The following ATRNL1 variants were observed in gnomAD, a reference collection of about 807,000 sequenced individuals.
ATRNL1 encodes attractin-like protein 1.
A neutral mutation model predicts 182.7 loss-of-function variants in ATRNL1; 95 were observed. The ratio of observed to expected loss-of-function variants is 0.52; its 90% CI spans 0.44 to 0.62. The LOEUF (loss-of-function observed/expected upper bound fraction) is 0.62. ATRNL1 is among the 20% of genes least tolerant of loss of function. The pLI is 0.00. For synonymous variants in ATRNL1, 576 were observed against 568.3 expected, an observed-to-expected ratio of 1.01 and a Z score of -0.19; for missense variants, 1,471 against 1,679.5, an observed-to-expected ratio of 0.88 and a Z score of 2.17.
chr10:115,340,972 A>G (rs1424989757), intron 19 of ATRNL1, among the ~76,000 whole-genome samples: 2 of 151,804 alleles, frequency 1.3e-5, no homozygotes, highest in Admixed American at 1.3e-4. Flanking sequence ...CCTTTCAAAA[A>G]TCAACCTTTT....
intron 24 of ATRNL1, among the ~76,000 whole-genome samples, chr10:115,475,748 CT>C (rs1231156063): frequency 2.0e-5 from 3 of 151,248 alleles, no homozygotes; most frequent in Non-Finnish European, 3.0e-5. Context: ...TCATCATTTT[CT>C]TTTTCTTCAT....
At position 115,641,400 on chromosome 10, in the gene ATRNL1, G is replaced by A. The variant is rs1859237556; in HGVS notation, c.3796-85848G>A. Among the ~76,000 whole-genome samples the A allele has an allele frequency of 2.6e-5, 4 of 152,140 alleles. 1 individual carries two copies. The South Asian group carries it at 8.3e-4, about 31-fold the overall frequency. On this transcript the variant is annotated intron_variant, in intron 26 of 28. Coordinates refer to ENST00000355044, the MANE Select transcript of ATRNL1 (RefSeq NM_207303.4). ...ACCTCTGTCATGCTTTCACAGAAGA[G>A]GCTTTTACTATAAAGAAGTCACACA... is the stretch of plus-strand genomic sequence containing the variant.
intron 24 of ATRNL1, among the ~76,000 whole-genome samples, chr10:115,505,280 A>AT (rs374735882): frequency 0.7 from 106,564 of 151,982 alleles, 38,493 homozygotes; most frequent in African/African-American, 0.79. Flanking sequence ...ATCTTAGACT[A>AT]GCATGGCATC....
intron 10 of ATRNL1, among the ~76,000 whole-genome samples, chr10:115,248,966 A>G (rs1850758571): frequency 6.6e-6 from 1 of 152,112 alleles, no homozygotes; most frequent in African/African-American, 2.4e-5. Flanking sequence ...ATTTGCATTT[A>G]AGACTAACTT....
intron 27 of ATRNL1, among the ~76,000 whole-genome samples, chr10:115,802,051 A>ACACACACACACACAAC (rs1412039169): frequency 1.1e-3 from 12 of 11,216 alleles, no homozygotes; most frequent in South Asian, 6.0e-3. Context: ...CACACAAAAC[A>ACACACACACACACAAC]AAAAAAAACA....
chr10:115,745,749 G>A (rs1472292936), intron 27 of ATRNL1, among the ~76,000 whole-genome samples: 1 of 152,082 alleles, frequency 6.6e-6, no homozygotes, highest in Non-Finnish European at 1.5e-5. Flanking sequence ...CCAAAATTTG[G>A]TTTTGAAGAG....
intron 13 of ATRNL1, among the ~76,000 whole-genome samples, chr10:115,280,195 A>T (rs1473795486): frequency 1.3e-5 from 2 of 152,184 alleles, no homozygotes; most frequent in African/African-American, 2.4e-5. Context: ...TAAAAGCCTA[A>T]CCCTGTACAA....
intron 9 of ATRNL1, among the ~76,000 whole-genome samples, chr10:115,225,350 C>CT (rs1351341700): frequency 4.0e-5 from 6 of 151,486 alleles, no homozygotes; most frequent in African/African-American, 1.5e-4. Context: ...GAAAACTTTA[C>CT]TGCAAGCATT....
rs372522057 is a variant in ATRNL1, at chr10:115,294,807, C to T, written c.2416-5227C>T. ...CTAGGTAGATGAAGTAGTGTAGTCT[C>T]CATGTAGTTTCTTCAGCTATAATCC... On this transcript the variant is annotated intron_variant, in intron 15 of 28. Transcript: ENST00000355044. Among the ~76,000 whole-genome samples the T allele has an allele frequency of 6.9e-4, 105 of 151,970 alleles. 2 individuals are homozygous for T. In the South Asian group the frequency reaches 0.021, roughly 31 times the overall value.
At chr10:115,564,158 T>C (rs1302865796) in intron 26 of ATRNL1, among the ~76,000 whole-genome samples, 2 of 152,096 alleles carry the variant, frequency 1.3e-5, no homozygotes, top group Admixed American at 1.3e-4. Context: ...ATGATTCATG[T>C]ACTTTAATTG....
chr10:115,579,675 A>T (rs1384033939), intron 26 of ATRNL1, among the ~76,000 whole-genome samples: 1 of 152,066 alleles, frequency 6.6e-6, no homozygotes, highest in Middle Eastern at 3.4e-3. Context: ...AAATTCATTT[A>T]GCCAGCCTAT....
At chr10:115,223,929 A>ATATATTTTTTTTTTTTT (rs1420143943) in intron 9 of ATRNL1, among the ~76,000 whole-genome samples, 9 of 44,732 alleles carry the variant, frequency 2.0e-4, no homozygotes, top group African/African-American at 5.5e-4. Context: ...ATATATATAT[A>ATATATTTTTTTTTTTTT]TTTTTTTTTT....
intron 16 of ATRNL1, 120 bp from the exon 17 acceptor site, chr10:115,301,735 T>C: frequency 1.3e-6 from 1 of 757,364 alleles, no homozygotes; most frequent in Non-Finnish European, 1.9e-6. Context: ...CCTCATCATA[T>C]TATAATGCCA....
chr10:115,125,816 G>A (rs113736973), intron 3 of ATRNL1, among the ~76,000 whole-genome samples: 24 of 152,148 alleles, frequency 1.6e-4, no homozygotes, highest in South Asian at 6.2e-4. Flanking sequence ...AATTACCACC[G>A]AGTTTTTTTT....
chr10:115,792,508 C>T (rs1949552673), intron 27 of ATRNL1, among the ~76,000 whole-genome samples: 1 of 152,020 alleles, frequency 6.6e-6, no homozygotes, highest in African/African-American at 2.4e-5. Flanking sequence ...TTATCTAAAA[C>T]AGTATGCAGT....
At chr10:115,909,610 T>G (rs1484941284) in intron 28 of ATRNL1, 1 of 115,016 alleles carries the variant, frequency 8.7e-6, no homozygotes, top group East Asian at 2.7e-4. Flanking sequence ...TTTTTTCCAC[T>G]TTGATAATGT....
At chr10:115,409,672 A>G (rs1213809935) in intron 20 of ATRNL1, among the ~76,000 whole-genome samples, 2 of 152,198 alleles carry the variant, frequency 1.3e-5, no homozygotes. Flanking sequence ...CAAACAAACA[A>G]AAAAACAAAA....
intron 19 of ATRNL1, among the ~76,000 whole-genome samples, chr10:115,340,962 C>T (rs1434107582): frequency 6.6e-6 from 1 of 151,182 alleles, no homozygotes; most frequent in African/African-American, 2.4e-5. Flanking sequence ...TTTTGTTTAA[C>T]CTTTCAAAAA....
intron 28 of ATRNL1, among the ~76,000 whole-genome samples, chr10:115,883,292 A>G (rs552264348): frequency 1.6e-4 from 25 of 152,326 alleles, no homozygotes; most frequent in African/African-American, 5.5e-4. Context: ...TGTCCTCAAT[A>G]AAACTCTCTT....
Sources: gnomAD v4.1 joint callset for allele counts (sites outside exome capture counted in the v4.1 genomes callset) on GRCh38, gnomAD v4.1.1 for gene constraint, MANE v1.5 for transcripts, NCBI Gene and HGNC (gene_info 2026-07-23, HGNC 2026-07-21) for gene names.